ENTREP2: variants seen among roughly 807,000 people sequenced by gnomAD.
The protein encoded by ENTREP2 is endosomal transmembrane epsin interactor 2, also known as protein ENTREP2.
the ENTREP2 span, among the ~76,000 whole-genome samples, chr15:29,623,881 G>T: frequency 6.6e-6 from 1 of 151,992 alleles, no homozygotes; most frequent in Non-Finnish European, 1.5e-5. Context: ...GATTACAGGC[G>T]CCCACCACTA....
At chr15:29,598,888 G>A in the ENTREP2 span, among the ~76,000 whole-genome samples, 1 of 152,100 alleles carries the variant, frequency 6.6e-6, no homozygotes, top group Non-Finnish European at 1.5e-5. Context: ...AGTAGAGACG[G>A]GGTTTCACCG....
the ENTREP2 span, among the ~76,000 whole-genome samples, chr15:29,140,129 C>T: frequency 6.6e-6 from 1 of 152,222 alleles, no homozygotes; most frequent in African/African-American, 2.4e-5. Flanking sequence ...TCTGTAAGCT[C>T]AGCACCCTCT....
chr15:29,575,537 G>A, the ENTREP2 span, among the ~76,000 whole-genome samples: 2 of 152,176 alleles, frequency 1.3e-5, no homozygotes, highest in South Asian at 2.1e-4. Flanking sequence ...AGGAAATAAA[G>A]GACATCCAAA....
At chr15:29,568,660 T>C in the ENTREP2 span, among the ~76,000 whole-genome samples, 1 of 147,934 alleles carries the variant, frequency 6.8e-6, no homozygotes, top group East Asian at 2.0e-4. Flanking sequence ...GCTATGATAG[T>C]GTCACTGCAC....
the ENTREP2 span, among the ~76,000 whole-genome samples, chr15:29,277,625 C>G: frequency 2.6e-4 from 40 of 152,264 alleles, no homozygotes; most frequent in African/African-American, 9.4e-4. Context: ...AATGCTCACT[C>G]GCCTGCCACT....
the ENTREP2 span, among the ~76,000 whole-genome samples, chr15:29,639,476 T>A: frequency 6.6e-6 from 1 of 152,140 alleles, no homozygotes; most frequent in Non-Finnish European, 1.5e-5. Context: ...AAAAAATAAG[T>A]CAAATGCTGG....
At chr15:29,627,194 T>C in the ENTREP2 span, among the ~76,000 whole-genome samples, 1 of 152,214 alleles carries the variant, frequency 6.6e-6, no homozygotes, top group Non-Finnish European at 1.5e-5. Context: ...TTTATTTTTC[T>C]AACTGACTTT....
the ENTREP2 span, among the ~76,000 whole-genome samples, chr15:29,554,564 A>G: frequency 1.5e-3 from 236 of 152,298 alleles, 1 homozygote; most frequent in African/African-American, 5.3e-3. Flanking sequence ...TTAGAGAGAC[A>G]CTGTGTTGTG....
At chr15:29,210,001 T>G in the ENTREP2 span, among the ~76,000 whole-genome samples, 6 of 152,308 alleles carry the variant, frequency 3.9e-5, 1 homozygote, top group Middle Eastern at 6.8e-3. Context: ...ATAATGCTTT[T>G]TACTTTCTGC....
At chr15:29,175,269 G>A in the ENTREP2 span, among the ~76,000 whole-genome samples, 43,948 of 152,034 alleles carry the variant, frequency 0.29, 6,967 homozygotes, top group East Asian at 0.63. Context: ...TAAATGATAC[G>A]TGTACCTCAC....
chr15:29,392,498 G>C, the ENTREP2 span, among the ~76,000 whole-genome samples: 1 of 152,060 alleles, frequency 6.6e-6, no homozygotes, highest in Non-Finnish European at 1.5e-5. Flanking sequence ...GTTGACAGTT[G>C]CATCTCTCAA....
At chr15:29,470,512 C>T in the ENTREP2 span, among the ~76,000 whole-genome samples, 2 of 152,246 alleles carry the variant, frequency 1.3e-5, no homozygotes. Context: ...ACTCGGACAA[C>T]CAGGGCCCAT....
the ENTREP2 span, among the ~76,000 whole-genome samples, chr15:29,656,967 A>G: frequency 9.2e-5 from 14 of 152,136 alleles, no homozygotes; most frequent in South Asian, 2.1e-4. Flanking sequence ...CCTTGTGATT[A>G]TGTGTCTGCA....
chr15:29,646,651 A>C, the ENTREP2 span, among the ~76,000 whole-genome samples: 1 of 152,330 alleles, frequency 6.6e-6, no homozygotes, highest in Middle Eastern at 3.4e-3. Flanking sequence ...TAATCTCTGA[A>C]TCTTAAGTTC....
the ENTREP2 span, among the ~76,000 whole-genome samples, chr15:29,253,514 C>T: frequency 2.0e-5 from 3 of 149,194 alleles, no homozygotes; most frequent in East Asian, 5.9e-4. Flanking sequence ...ACAATCTCGG[C>T]TCATTGCAAC....
the ENTREP2 span, among the ~76,000 whole-genome samples, chr15:29,573,565 CA>C: frequency 1.3e-5 from 2 of 152,108 alleles, no homozygotes; most frequent in Non-Finnish European, 2.9e-5. Flanking sequence ...ACTTCCTTAT[CA>C]TGTCTGCTCA....
the ENTREP2 span, among the ~76,000 whole-genome samples, chr15:29,356,212 C>A: frequency 8.0e-6 from 1 of 125,776 alleles, no homozygotes; most frequent in Non-Finnish European, 1.6e-5. Flanking sequence ...TTTGAAAAAT[C>A]AACAAGATGG....
the ENTREP2 span, among the ~76,000 whole-genome samples, chr15:29,563,159 T>C: frequency 1.3e-5 from 2 of 152,228 alleles, no homozygotes; most frequent in East Asian, 1.9e-4. Flanking sequence ...CTATTCTACA[T>C]TGATTTTTCC....
the ENTREP2 span, among the ~76,000 whole-genome samples, chr15:29,184,976 T>C: frequency 1.3e-5 from 2 of 151,816 alleles, no homozygotes; most frequent in Non-Finnish European, 2.9e-5. Context: ...CTCAGGAGGC[T>C]GAGGCAGGAG....
Sources: allele counts gnomAD v4.1 joint callset (sites outside exome capture counted in the v4.1 genomes callset), GRCh38; gene constraint gnomAD v4.1.1; transcripts MANE v1.5; gene names NCBI Gene and HGNC (gene_info 2026-07-23, HGNC 2026-07-21).